The following TCTN2 variants were observed in gnomAD, a reference collection of about 807,000 sequenced individuals.
The protein encoded by TCTN2 is tectonic-2.
TCTN2 carries 66 observed loss-of-function variants against 83.4 expected under a neutral mutation model. The ratio of observed to expected loss-of-function variants is 0.79; its 90% CI spans 0.65 to 0.97. The LOEUF is 0.97. Among genes scored for constraint, TCTN2 ranks in the 50% least tolerant of loss-of-function variants. TCTN2 has a pLI of 0.00. For synonymous variants in TCTN2, 301 were observed against 326.7 expected, an observed-to-expected ratio of 0.92 and a Z score of 0.85; for missense variants, 794 against 858.1, an observed-to-expected ratio of 0.93 and a Z score of 0.93.
intron 5 of TCTN2, among the ~76,000 whole-genome samples, chr12:123,685,211 G>A (rs928072689): frequency 6.6e-6 from 1 of 152,006 alleles, no homozygotes; most frequent in Non-Finnish European, 1.5e-5. Flanking sequence ...AGCCCCTGAC[G>A]TCCTTTAGTA....
At position 123,674,097 on chromosome 12, in the gene TCTN2, T is replaced by C. The variant is rs1254608709; in HGVS notation, c.463+287T>C. ...ATGCAATTTGTAAAGTATACTTCAC[T>C]TGAGTCTGTCTTGCTTTTCTAAACT... On this transcript the variant is annotated intron_variant, in intron 4 of 17. Transcript: ENST00000303372. 2.6e-5 allele frequency among the ~76,000 whole-genome samples: 4 copies of C among 152,228 alleles called. No homozygotes were observed. In the East Asian group the frequency reaches 7.7e-4, roughly 29 times the overall value.
intron 7 of TCTN2, among the ~76,000 whole-genome samples, chr12:123,689,345 C>G (rs1246833363): frequency 2.0e-5 from 3 of 152,136 alleles, no homozygotes; most frequent in South Asian, 2.1e-4. Flanking sequence ...CTTGAGCCAC[C>G]GCGCCCAGCC....
intron 7 of TCTN2, 35 bp downstream of exon 7, chr12:123,688,212 T>TA: frequency 1.9e-6 from 3 of 1,571,578 alleles, no homozygotes; most frequent in Non-Finnish European, 2.6e-6. Flanking sequence ...TAGACCGTTC[T>TA]CTTTTTTTTT....
At chr12:123,671,475 A>T in intron 1 of TCTN2, 32 bp from the exon 2 acceptor site, 1 of 1,608,458 alleles carries the variant, frequency 6.2e-7, no homozygotes, top group Non-Finnish European at 8.5e-7. Context: ...TCCACTGCTA[A>T]CCCCTCCTTG....
chr12:123,679,101 A>G (rs1955861783), intron 4 of TCTN2, 88 bp from the exon 5 acceptor site: 6 of 1,285,862 alleles, frequency 4.7e-6, no homozygotes, highest in Non-Finnish European at 6.8e-6. Flanking sequence ...CTGGCCGATA[A>G]TTCAGCTTTC....
chr12:123,688,286 G>A (rs1302860518), intron 7 of TCTN2, 109 bp downstream of exon 7: 25 of 1,387,628 alleles, frequency 1.8e-5, no homozygotes, highest in African/African-American at 1.2e-4. Context: ...CCAGATCTCG[G>A]CTCACTGCAA....
In TCTN2 at chr12:123,699,643, G is replaced by T. The variant is rs780912063; in HGVS notation, c.1506-61G>T. The T allele has an allele frequency of 1.1e-4, 146 of 1,359,218 alleles. 1 individual carries two copies. The highest frequency in any genetic ancestry group is 1.1e-4 in the Non-Finnish European group (100 of 948,314). The allele number at this position is 1,359,218 out of a possible 1,614,324, so 84.2% of individuals were successfully genotyped here. A position where few individuals can be genotyped will look rare whatever the true frequency, so the allele number is the denominator to read the frequency against. ...GGAAGTGAAACCCGGACATTCACTG[G>T]AAATGACTTTAGGACAAGACCTGCT... On this transcript the variant is annotated intron_variant, in intron 13 of 17. Transcript: ENST00000303372.
At chr12:123,691,008 A>G (rs923942649) in intron 8 of TCTN2, among the ~76,000 whole-genome samples, 1 of 152,062 alleles carries the variant, frequency 6.6e-6, no homozygotes, top group Admixed American at 6.6e-5. Context: ...AGCTGGGACT[A>G]CAGGTGCCTG....
chr12:123,673,690 G>C lies in TCTN2; in HGVS notation c.343G>C (p.Glu115Gln). 1 of 1,614,194 alleles carries C rather than the reference G, an allele frequency of 6.2e-7. No homozygotes were observed. Among genetic ancestry groups the C allele is most frequent in the Non-Finnish European group, 8.5e-7 (1 of 1,180,030 alleles). ...CSSNETDSFS[E>Q]SPCILQTLLV... is the part of the protein sequence containing the mutation. The stretch of plus-strand genomic sequence containing the variant: ...CTCCAATGAGACAGATTCCTTCTCA[G>C]AGTCCCCCTGTATCCTCCAGACCCT... The change falls in exon 4 of 18, where the codon GAG (glutamate) becomes CAG (glutamine). Residue 115 changes from glutamate to glutamine, a missense_variant. Glu to Gln is a conservative substitution (Grantham distance 29). Transcript: ENST00000303372.
At chr12:123,697,812 C>A (rs1465882708) in intron 13 of TCTN2, among the ~76,000 whole-genome samples, 3 of 151,772 alleles carry the variant, frequency 2.0e-5, no homozygotes, top group African/African-American at 7.3e-5. Context: ...ACCTTATACT[C>A]CTAGAGCTAT....
intron 14 of TCTN2, among the ~76,000 whole-genome samples, chr12:123,703,091 A>C (rs774100719): frequency 3.9e-4 from 59 of 152,216 alleles, no homozygotes; most frequent in Non-Finnish European, 7.3e-4. Context: ...TATTAATACT[A>C]TGGTAACACA....
chr12:123,699,748 A>G lies in TCTN2; in HGVS notation c.1550A>G (p.His517Arg), dbSNP rs747107695. 2 of 1,614,162 alleles carry G rather than the reference A, an allele frequency of 1.2e-6. No individual in the cohort carries two copies. The highest frequency in any genetic ancestry group is 2.2e-5 in the South Asian group (2 of 91,090). ...ERLDSLIQAT[H>R]VAMRGNSDYA... ...CTTGATTCATTAATACAAGCGACTC[A>G]CGTTGCAATGAGAGGCAACTCCGAT... Residue 517 changes from histidine to arginine, a missense_variant, in exon 14 of 18, where the codon CAC (histidine) becomes CGC (arginine). Physicochemically the swap from His to Arg is conservative, Grantham distance 29 (BLOSUM62 0). Coordinates refer to ENST00000303372, the MANE Select transcript of TCTN2 (RefSeq NM_024809.5).
Position 123,695,065 on chromosome 12 carries a change from A to G in TCTN2, c.1234+89A>G, listed in dbSNP as rs1273967087. 5.8e-6 allele frequency: 9 copies of G among 1,550,016 alleles called. No homozygotes were observed. In the East Asian group the frequency reaches 2.0e-4, roughly 35 times the overall value. On this transcript the variant is annotated intron_variant, in intron 10 of 17. Coordinates refer to ENST00000303372, the MANE Select transcript of TCTN2 (RefSeq NM_024809.5). ...GATTCTCATAATTATAACCCATAAA[A>G]CTAAGTTGGACTTGTTTCTTATGTG...
At position 123,678,965 on chromosome 12, in the gene TCTN2, C is replaced by T. The variant is rs6488891; in HGVS notation, c.464-224C>T. On this transcript the variant is annotated intron_variant, in intron 4 of 17. Transcript: ENST00000303372. ...GGCGCCTGCCACCACGCCCAGCTAACTTTTTGTATTTTTAATAGAGACCGG... is the reference window on the plus strand; with the variant it reads ...GGCGCCTGCCACCACGCCCAGCTAATTTTTTGTATTTTTAATAGAGACCGG... Among the ~76,000 whole-genome samples the T allele has an allele frequency of 0.36, 54,275 of 151,714 alleles. 10,179 individuals are homozygous for T. Among genetic ancestry groups the T allele is most frequent in the African/African-American group, 0.41 (16,835 of 41,350 alleles).
intron 5 of TCTN2, among the ~76,000 whole-genome samples, chr12:123,684,769 C>T (rs1003808667): frequency 4.0e-5 from 6 of 151,832 alleles, no homozygotes; most frequent in South Asian, 2.1e-4. Context: ...TAAAGTACAG[C>T]GGCCGGGCAC....
At chr12:123,692,532 G>A in intron 8 of TCTN2, 126 bp from the exon 9 acceptor site, 1 of 756,812 alleles carries the variant, frequency 1.3e-6, no homozygotes, top group South Asian at 1.4e-5. Context: ...AGTGGGGAGG[G>A]TTTTGTAGTC....
chr12:123,673,670 A>G lies in TCTN2; in HGVS notation c.323A>G (p.Asn108Ser), dbSNP rs1196692148. The change falls in exon 4 of 18, where the codon AAT becomes AGT. Residue 108 changes from asparagine (N) to serine (S), a missense_variant. Transcript: ENST00000303372. ...WKRGLDWCSS[N>S]ETDSFSESPC... ...AGAGGTCTGGACTGGTGTTCCTCCA[A>G]TGAGACAGATTCCTTCTCAGAGTCC... 16 of 1,614,214 alleles carry G rather than the reference A, an allele frequency of 9.9e-6. No homozygotes were observed. The highest frequency in any genetic ancestry group is 1.4e-5 in the Non-Finnish European group (16 of 1,180,048).
chr12:123,690,912 A>G (rs1177117986), intron 8 of TCTN2, among the ~76,000 whole-genome samples: 1 of 152,182 alleles, frequency 6.6e-6, no homozygotes, highest in Non-Finnish European at 1.5e-5. Flanking sequence ...TCCGTCACGC[A>G]GGTTGGAGTG....
At chr12:123,675,976 T>C (rs1955815524) in intron 4 of TCTN2, among the ~76,000 whole-genome samples, 1 of 152,184 alleles carries the variant, frequency 6.6e-6, no homozygotes. Context: ...CACTGACTTT[T>C]TTCCTTTGAG....
Sources: allele counts gnomAD v4.1 joint callset (sites outside exome capture counted in the v4.1 genomes callset), GRCh38; gene constraint gnomAD v4.1.1; transcripts MANE v1.5; gene names NCBI Gene and HGNC (gene_info 2026-07-23, HGNC 2026-07-21).